The following ADGRF4 variants were observed in gnomAD, a reference collection of about 807,000 sequenced individuals.
ADGRF4 encodes adhesion G protein-coupled receptor F4, also known as G-protein coupled receptor PGR18.
ADGRF4 carries 63 observed loss-of-function variants against 58.5 expected under a neutral mutation model. The observed-to-expected ratio is 1.08, with a 90% CI of 0.88 to 1.33. The LOEUF is 1.33. Among genes scored for constraint, ADGRF4 ranks in the 40% most tolerant of loss-of-function variants. ADGRF4 has a pLI of 0.00. For missense variants in ADGRF4, 931 were observed against 843.9 expected, an observed-to-expected ratio of 1.10 and a Z score of -1.28; for synonymous variants, 313 against 295.4, an observed-to-expected ratio of 1.06 and a Z score of -0.61.
intron 5 of ADGRF4, among the ~76,000 whole-genome samples, 163 bp downstream of exon 5, chr6:47,712,771 G>A (rs1448651642): frequency 2.6e-5 from 4 of 152,108 alleles, no homozygotes; most frequent in Non-Finnish European, 5.9e-5. Context: ...AGTTTATGGA[G>A]GTTTTCAAGT....
At chr6:47,702,071 T>C (rs555252070) in intron 1 of ADGRF4, among the ~76,000 whole-genome samples, 1 of 152,328 alleles carries the variant, frequency 6.6e-6, no homozygotes, top group East Asian at 1.9e-4. Flanking sequence ...ACTCCTGGTC[T>C]TAGGTGGTCC....
chr6:47,712,644 C>G, intron 5 of ADGRF4, 36 bp downstream of exon 5: 1 of 1,509,064 alleles, frequency 6.6e-7, no homozygotes. Context: ...TGATGTTTTT[C>G]TTAAAATTTT....
At position 47,716,861 on chromosome 6, in the gene ADGRF4, G is replaced by T. The variant is rs374993641; in HGVS notation, c.1974+14G>T. On this transcript the variant is annotated intron_variant, in intron 7 of 9. Coordinates refer to ENST00000283303, the MANE Select transcript of ADGRF4 (RefSeq NM_153838.5). Reference sequence around the variant, plus strand: ...ATGGATCACAAGGTAATTTGAATTTGCTTCCTCCTTATAAATGGTTTTCAT... The same window carrying T: ...ATGGATCACAAGGTAATTTGAATTTTCTTCCTCCTTATAAATGGTTTTCAT... 5 of 1,566,350 alleles carry T rather than the reference G, an allele frequency of 3.2e-6. No individual in the cohort carries two copies. Among genetic ancestry groups the T allele is most frequent in the Non-Finnish European group, 4.4e-6 (5 of 1,144,594 alleles).
rs116540935 is a variant in ADGRF4, at chr6:47,720,856, G to T, written c.*4-353G>T. ...AATGAGACTGGTTGAGCATATACCC[G>T]GAGGGAAGCAACACGGTTTACAATG... On this transcript the variant is annotated intron_variant, in intron 9 of 9. Transcript: ENST00000283303. Among the ~76,000 whole-genome samples the T allele has an allele frequency of 4.3e-3, 660 of 152,238 alleles. 3 individuals are homozygous for T. The highest frequency in any genetic ancestry group is 0.014 in the African/African-American group (575 of 41,530).
intron 1 of ADGRF4, among the ~76,000 whole-genome samples, chr6:47,700,856 A>G (rs1180539806): frequency 6.6e-6 from 1 of 152,214 alleles, no homozygotes; most frequent in Non-Finnish European, 1.5e-5. Context: ...TCATTCACTT[A>G]TACAACAAAT....
At chr6:47,704,316 CCA>C (rs1468495041) in intron 1 of ADGRF4, among the ~76,000 whole-genome samples, 2 of 152,092 alleles carry the variant, frequency 1.3e-5, no homozygotes, top group Non-Finnish European at 2.9e-5. Context: ...CAGGGATGAG[CCA>C]CTGCACCCGG....
At chr6:47,720,141 A>G (rs1348182016) in intron 9 of ADGRF4, among the ~76,000 whole-genome samples, 1 of 152,142 alleles carries the variant, frequency 6.6e-6, no homozygotes, top group Non-Finnish European at 1.5e-5. Flanking sequence ...GGGCTAAGAA[A>G]TTCACACTAG....
At chr6:47,712,297 A>G in intron 4 of ADGRF4, 60 bp from the exon 5 acceptor site, 1 of 1,542,944 alleles carries the variant, frequency 6.5e-7, no homozygotes. Context: ...TAACTCCTTT[A>G]GTCTGATACA....
intron 6 of ADGRF4, chr6:47,715,656 A>C (rs919099699): frequency 2.6e-5 from 4 of 153,806 alleles, no homozygotes; most frequent in African/African-American, 9.6e-5. Context: ...TGAAATAAAA[A>C]TAAATTGTTA....
At chr6:47,718,336 A>C (rs2113909239) in intron 8 of ADGRF4, 53 bp from the exon 9 acceptor site, 1 of 942,828 alleles carries the variant, frequency 1.1e-6, no homozygotes, top group African/African-American at 1.6e-5. Context: ...AGGGATATAC[A>C]TTTTGTCAAT....
intron 1 of ADGRF4, among the ~76,000 whole-genome samples, chr6:47,703,628 A>G (rs1221726495): frequency 6.6e-6 from 1 of 152,228 alleles, no homozygotes; most frequent in Non-Finnish European, 1.5e-5. Flanking sequence ...AGACTATAGA[A>G]ACATGAATGA....
intron 5 of ADGRF4, 39 bp from the exon 6 acceptor site, chr6:47,713,759 G>T (rs770555743): frequency 6.9e-7 from 1 of 1,449,668 alleles, no homozygotes; most frequent in South Asian, 1.5e-5. Flanking sequence ...ACAACAATGT[G>T]TAAATCCTTA....
intron 4 of ADGRF4, among the ~76,000 whole-genome samples, chr6:47,711,813 C>T (rs890948943): frequency 6.6e-6 from 1 of 152,118 alleles, no homozygotes; most frequent in East Asian, 1.9e-4. Flanking sequence ...TGTCACTTAG[C>T]CTAGGTAATC....
chr6:47,718,729 A>G lies in ADGRF4; in HGVS notation c.*3+284A>G, dbSNP rs78513246. ...CTTAATTCCATCTTGTCAGTGAGTAATAACACTCATAATAGCCCCATTGTT... is the reference window on the plus strand; with the variant it reads ...CTTAATTCCATCTTGTCAGTGAGTAGTAACACTCATAATAGCCCCATTGTT... On this transcript the variant is annotated intron_variant, in intron 9 of 9. Coordinates refer to ENST00000283303, the MANE Select transcript of ADGRF4 (RefSeq NM_153838.5). Among the ~76,000 whole-genome samples, 662 of 152,326 alleles carry G rather than the reference A, an allele frequency of 4.3e-3. 3 individuals are homozygous for G. Among genetic ancestry groups the G allele is most frequent in the African/African-American group, 0.014 (577 of 41,574 alleles).
At chr6:47,718,343 C>CA in intron 8 of ADGRF4, 46 bp from the exon 9 acceptor site, 1 of 992,596 alleles carries the variant, frequency 1.0e-6, no homozygotes, top group Middle Eastern at 2.1e-4. Flanking sequence ...TACATTTTGT[C>CA]AATATAATTA....
intron 1 of ADGRF4, among the ~76,000 whole-genome samples, chr6:47,703,183 TTTAA>T (rs1032748837): frequency 6.6e-6 from 1 of 152,256 alleles, no homozygotes; most frequent in African/African-American, 2.4e-5. Context: ...TCCAATTCAC[TTTAA>T]TTATTAATCT....
At chr6:47,709,056 GT>G (rs1338632688) in intron 3 of ADGRF4, among the ~76,000 whole-genome samples, 1 of 152,166 alleles carries the variant, frequency 6.6e-6, no homozygotes, top group Non-Finnish European at 1.5e-5. Context: ...TACAAACAAG[GT>G]TTGATGCAAA....
chr6:47,707,298 C>T lies in ADGRF4; in HGVS notation c.53C>T (p.Ser18Phe). The T allele has an allele frequency of 6.2e-7, 1 of 1,612,672 alleles. No homozygotes were observed. The highest frequency in any genetic ancestry group is 1.1e-5 in the South Asian group (1 of 91,040). The change falls in exon 2 of 10, where the codon TCC (serine) becomes TTC (phenylalanine). Residue 18 changes from serine (S) to phenylalanine (F), a missense_variant. Coordinates refer to ENST00000283303, the MANE Select transcript of ADGRF4 (RefSeq NM_153838.5). ...TMICCLVFFL[S>F]TECSHYRSKI... is the part of the protein sequence containing the mutation. ...ATTTGCTGCTTAGTGTTCTTTCTGT[C>T]CACAGAATGTTCCCACTATAGATCC...
In ADGRF4 at chr6:47,714,009, G is replaced by T; in HGVS notation, c.764G>T (p.Ser255Ile). 6.2e-7 allele frequency: 1 copy of T among 1,605,294 alleles called. No individual in the cohort carries two copies. The highest frequency in any genetic ancestry group is 8.5e-7 in the Non-Finnish European group (1 of 1,175,616). The part of the protein sequence containing the change: ...FHINHNTSEK[S>I]LNFSMSMNNT... ...ATCAACCATAATACCTCAGAGAAAAGCCTCAATTTCTCCATGAGCATGAAC... is the reference window on the plus strand; with the variant it reads ...ATCAACCATAATACCTCAGAGAAAATCCTCAATTTCTCCATGAGCATGAAC... Residue 255 changes from serine to isoleucine, a missense_variant, in exon 6 of 10, where the codon AGC (serine) becomes ATC (isoleucine). Transcript: ENST00000283303.
Sources: allele counts gnomAD v4.1 joint callset (sites outside exome capture counted in the v4.1 genomes callset), GRCh38; gene constraint gnomAD v4.1.1; transcripts MANE v1.5; gene names NCBI Gene and HGNC (gene_info 2026-07-23, HGNC 2026-07-21).